The following ANKS1B variants were observed in gnomAD, a reference collection of about 807,000 sequenced individuals.
The protein encoded by ANKS1B is ankyrin repeat and sterile alpha motif domain-containing protein 1B.
In ANKS1B, 36 loss-of-function variants were observed where a neutral mutation model predicts 148.3. The observed-to-expected ratio is 0.24, with a 90% CI of 0.19 to 0.32. The LOEUF (loss-of-function observed/expected upper bound fraction) is 0.32, where lower values mean the gene tolerates loss of function less well. Ranked by LOEUF, ANKS1B falls within the 10% of genes least tolerant of loss-of-function variation. The probability of loss-of-function intolerance (pLI) is 1.00; values close to 1 mark genes in which losing one functional copy is unlikely to be tolerated. For missense variants in ANKS1B, 1,157 were observed against 1,542.6 expected (o/e 0.75, Z 4.19); for synonymous variants, 542 against 560.8 (o/e 0.97, Z 0.47).
At chr12:99,580,333 C>T (rs1388679674) in intron 9 of ANKS1B, among the ~76,000 whole-genome samples, 1 of 151,560 alleles carries the variant, frequency 6.6e-6, no homozygotes, top group African/African-American at 2.4e-5. Context: ...GCACATGCAC[C>T]CCTGAACCTA....
At chr12:99,565,061 T>A (rs1375932862) in intron 9 of ANKS1B, among the ~76,000 whole-genome samples, 1 of 152,162 alleles carries the variant, frequency 6.6e-6, no homozygotes, top group African/African-American at 2.4e-5. Flanking sequence ...TTAACCATTA[T>A]CCATAAATGA....
chr12:99,784,089 T>C lies in ANKS1B; in HGVS notation c.670-1992A>G, dbSNP rs1426791655. Among the ~76,000 whole-genome samples, 3 of 152,042 alleles carry C rather than the reference T, an allele frequency of 2.0e-5. No homozygotes were observed. The East Asian group carries it at 5.8e-4, about 29-fold the overall frequency. ...AACCCAGATGATATTTTCTCCCTGCTTTCCTCTCCGTCCCATCCTTTGCCC... is the reference window on the plus strand; with the variant it reads ...AACCCAGATGATATTTTCTCCCTGCCTTCCTCTCCGTCCCATCCTTTGCCC... On this transcript the variant is annotated intron_variant, in intron 4 of 26. Transcript: ENST00000683438.
chr12:99,234,715 A>G (rs539964889), intron 14 of ANKS1B, among the ~76,000 whole-genome samples: 2 of 152,052 alleles, frequency 1.3e-5, no homozygotes, highest in South Asian at 4.2e-4. Flanking sequence ...CCTAAGATCA[A>G]GCAGCTGGTA....
rs568931416 is a variant in ANKS1B at position 99,961,668 on chromosome 12, C to T, written c.134+22436G>A. The stretch of plus-strand genomic sequence containing the variant: ...GGATATATTAAACATGGATCTTGTA[C>T]CCTTTTCTGCAACTCCTTTCATCAG... On this transcript the variant is annotated intron_variant, in intron 1 of 26. Coordinates refer to ENST00000683438, the MANE Select transcript of ANKS1B (RefSeq NM_001352186.2). Among the ~76,000 whole-genome samples, 281 of 151,482 alleles carry T rather than the reference C, an allele frequency of 1.9e-3. 1 individual carries two copies. The highest frequency in any genetic ancestry group is 6.7e-3 in the African/African-American group (275 of 40,790).
intron 15 of ANKS1B, among the ~76,000 whole-genome samples, chr12:99,106,789 G>A (rs2059310969): frequency 6.6e-6 from 1 of 150,954 alleles, no homozygotes; most frequent in African/African-American, 2.4e-5. Context: ...CAAAAAAGTT[G>A]TCTTTTAGGT....
At chr12:99,428,994 A>T (rs1378098601) in intron 11 of ANKS1B, among the ~76,000 whole-genome samples, 3 of 152,180 alleles carry the variant, frequency 2.0e-5, no homozygotes, top group Non-Finnish European at 4.4e-5. Flanking sequence ...TAATAATAAT[A>T]ATGGAGTATA....
chr12:99,172,766 TA>T (rs1276907761), intron 14 of ANKS1B, among the ~76,000 whole-genome samples: 1 of 152,080 alleles, frequency 6.6e-6, no homozygotes, highest in Non-Finnish European at 1.5e-5. Context: ...ACAATTTTTT[TA>T]AAAAAGATGA....
intron 11 of ANKS1B, among the ~76,000 whole-genome samples, chr12:99,415,034 TA>T (rs983644509): frequency 7.9e-5 from 12 of 152,124 alleles, no homozygotes; most frequent in African/African-American, 2.7e-4. Context: ...GAGAGGATAA[TA>T]AAAGTTCTAG....
intron 1 of ANKS1B, among the ~76,000 whole-genome samples, chr12:99,900,849 G>A (rs922850241): frequency 3.3e-5 from 5 of 152,148 alleles, no homozygotes; most frequent in South Asian, 2.1e-4. Context: ...ACAAATGAAC[G>A]TATGCAATGC....
chr12:99,751,254 G>T (rs1299584474), intron 8 of ANKS1B, among the ~76,000 whole-genome samples: 2 of 151,836 alleles, frequency 1.3e-5, no homozygotes, highest in Non-Finnish European at 2.9e-5. Flanking sequence ...AGATTTAATT[G>T]TAATTCTTTT....
chr12:99,310,359 T>C (rs1478264941), intron 12 of ANKS1B, among the ~76,000 whole-genome samples: 1 of 152,098 alleles, frequency 6.6e-6, no homozygotes, highest in East Asian at 1.9e-4. Context: ...ATGATGGATG[T>C]TTATGTGAGG....
At chr12:99,535,165 T>A (rs1247482565) in intron 9 of ANKS1B, among the ~76,000 whole-genome samples, 2 of 152,208 alleles carry the variant, frequency 1.3e-5, no homozygotes, top group African/African-American at 4.8e-5. Flanking sequence ...AGGAATTCTT[T>A]AAGAAGACAA....
intron 1 of ANKS1B, among the ~76,000 whole-genome samples, chr12:99,914,638 A>T (rs2094113039): frequency 6.6e-6 from 1 of 152,110 alleles, no homozygotes. Context: ...TACAAAGACA[A>T]CTAAATGCAC....
intron 10 of ANKS1B, among the ~76,000 whole-genome samples, chr12:99,464,602 T>C (rs372245844): frequency 1.1e-4 from 17 of 151,348 alleles, no homozygotes; most frequent in Non-Finnish European, 1.9e-4. Context: ...CTTAAAGGAG[T>C]TGATGGAGCT....
chr12:99,162,610 T>C lies in ANKS1B; in HGVS notation c.2420-8215A>G, dbSNP rs536982919. On this transcript the variant is annotated intron_variant, in intron 14 of 26. Coordinates refer to ENST00000683438, the MANE Select transcript of ANKS1B (RefSeq NM_001352186.2). ...GTTAATAAACTGGTATGTATATTCATATATATTTACCCATTTTCAAATAAC... is the reference window on the plus strand; with the variant it reads ...GTTAATAAACTGGTATGTATATTCACATATATTTACCCATTTTCAAATAAC... Among the ~76,000 whole-genome samples the C allele has an allele frequency of 5.1e-4, 78 of 152,278 alleles. 1 individual carries two copies. Among genetic ancestry groups the C allele is most frequent in the African/African-American group, 1.8e-3 (74 of 41,556 alleles).
At chr12:99,843,916 GTTT>G (rs1204155569) in intron 1 of ANKS1B, among the ~76,000 whole-genome samples, 12 of 151,860 alleles carry the variant, frequency 7.9e-5, no homozygotes, top group Admixed American at 7.9e-4. Context: ...CGCATCTGTT[GTTT>G]TTTAACTTTT....
intron 1 of ANKS1B, among the ~76,000 whole-genome samples, chr12:99,832,313 A>G (rs2084133912): frequency 6.6e-6 from 1 of 152,124 alleles, no homozygotes; most frequent in Non-Finnish European, 1.5e-5. Context: ...AAGGGTCTGG[A>G]ATGGTGGCTC....
chr12:99,839,443 T>C (rs1447255630), intron 1 of ANKS1B, among the ~76,000 whole-genome samples: 2 of 152,090 alleles, frequency 1.3e-5, no homozygotes, highest in East Asian at 3.8e-4. Flanking sequence ...ATCACAGTAA[T>C]AACCTCACTG....
chr12:99,127,973 A>C (rs1174656044), intron 15 of ANKS1B, among the ~76,000 whole-genome samples: 1 of 152,216 alleles, frequency 6.6e-6, no homozygotes. Context: ...AAAACTAAAA[A>C]CGAACATCAC....
Sources: allele counts gnomAD v4.1 joint callset (sites outside exome capture counted in the v4.1 genomes callset), GRCh38; gene constraint gnomAD v4.1.1; transcripts MANE v1.5; gene names NCBI Gene and HGNC (gene_info 2026-07-23, HGNC 2026-07-21).